Variants in ARHGAP29 observed in about 807,000 individuals in gnomAD.
The protein encoded by ARHGAP29 is Rho GTPase activating protein 29.
ARHGAP29 carries 43 observed loss-of-function variants against 122.6 expected under a neutral mutation model. The ratio of observed to expected loss-of-function variants is 0.35; its 90% CI spans 0.27 to 0.45. ARHGAP29 has a LOEUF of 0.45. Among genes scored for constraint, ARHGAP29 ranks in the 20% least tolerant of loss-of-function variants. The probability of loss-of-function intolerance (pLI) is 1.00; values close to 1 mark genes in which losing one functional copy is unlikely to be tolerated. For missense variants in ARHGAP29, 1,303 were observed against 1,477.2 expected, an observed-to-expected ratio of 0.88 and a Z score of 1.93; for synonymous variants, 506 against 497.1, an observed-to-expected ratio of 1.02 and a Z score of -0.24.
chr1:94,309,281 C>A, the ARHGAP29 span, among the ~76,000 whole-genome samples: 1 of 152,206 alleles, frequency 6.6e-6, no homozygotes, highest in African/African-American at 2.4e-5. Flanking sequence ...AGTTAAATAA[C>A]TTGATCAGGA....
rs569187972 is a variant in ARHGAP29, at chr1:94,172,703, AT to A, written c.*1165del. On this transcript the variant is annotated 3_prime_UTR_variant, in exon 23 of 23. Coordinates refer to ENST00000260526, the MANE Select transcript of ARHGAP29 (RefSeq NM_004815.4). ...ATTCACACATAAAAACAGTCTACTT[AT>A]TTTTTGTCCCTTTTATATCCTATTT... 6.6e-6 allele frequency: 1 copy of A among 152,198 alleles called. No individual in the cohort carries two copies. Among genetic ancestry groups the A allele is most frequent in the Non-Finnish European group, 1.5e-5 (1 of 67,894 alleles). 9.4% of individuals were successfully genotyped at this position (152,198 alleles called of 1,614,324 possible).
At position 94,169,778 on chromosome 1, in the gene ARHGAP29, G is replaced by A. The variant is rs1304431422; in HGVS notation, c.*4091C>T. On this transcript the variant is annotated 3_prime_UTR_variant, in exon 23 of 23. Transcript: ENST00000260526. Reference sequence around the variant, plus strand: ...GACTTGGGGTAGGGAGTAGGAAAAAGTGTAAGATGAGCTCGTAAAAAAAAT... The same window carrying A: ...GACTTGGGGTAGGGAGTAGGAAAAAATGTAAGATGAGCTCGTAAAAAAAAT... Among the ~76,000 whole-genome samples the A allele has an allele frequency of 6.6e-6, 1 of 152,204 alleles. No homozygotes were observed. Among genetic ancestry groups the A allele is most frequent in the African/African-American group, 2.4e-5 (1 of 41,534 alleles).
At chr1:94,234,436 G>C (rs927730080) in intron 1 of ARHGAP29, among the ~76,000 whole-genome samples, 1 of 152,156 alleles carries the variant, frequency 6.6e-6, no homozygotes, top group African/African-American at 2.4e-5. Flanking sequence ...GCTGAGGGAA[G>C]ATTACATAAA....
the ARHGAP29 span, among the ~76,000 whole-genome samples, chr1:94,307,018 C>T: frequency 6.6e-6 from 1 of 151,988 alleles, no homozygotes; most frequent in Non-Finnish European, 1.5e-5. Flanking sequence ...TTCATTTATT[C>T]GTATATATTA....
Position 94,207,001 on chromosome 1 carries a change from TTTTA to T in ARHGAP29, c.511-1322_511-1319del, listed in dbSNP as rs542199991. Among the ~76,000 whole-genome samples, 131 of 150,142 alleles carry T rather than the reference TTTTA, an allele frequency of 8.7e-4. 1 individual carries two copies. The highest frequency in any genetic ancestry group is 4.4e-3 in the South Asian group (21 of 4,748). ...TATAGAGAGAGAGAGAAGGAGCAAC[TTTTA>T]TTTATTTATTTATTTATTTTTGAGA... On this transcript the variant is annotated intron_variant, in intron 5 of 22. Transcript: ENST00000260526.
chr1:94,280,947 C>G, the ARHGAP29 span, among the ~76,000 whole-genome samples: 2 of 152,210 alleles, frequency 1.3e-5, no homozygotes, highest in Admixed American at 1.3e-4. Context: ...TTCCATTCTC[C>G]TGTGCCATCT....
At chr1:94,176,179 G>C (rs1044544674) in intron 22 of ARHGAP29, among the ~76,000 whole-genome samples, 1 of 152,198 alleles carries the variant, frequency 6.6e-6, no homozygotes, top group Non-Finnish European at 1.5e-5. Flanking sequence ...CCTGGGTCCT[G>C]GCTCAGCCCT....
At chr1:94,255,902 C>T (rs1384450388) in intron 1 of ARHGAP29, among the ~76,000 whole-genome samples, 1 of 152,188 alleles carries the variant, frequency 6.6e-6, no homozygotes, top group East Asian at 1.9e-4. Context: ...CTAATTCCAT[C>T]ACTGTGCTTG....
intron 19 of ARHGAP29, among the ~76,000 whole-genome samples, 166 bp from the exon 20 acceptor site, chr1:94,180,123 A>T (rs1004500807): frequency 1.2e-4 from 19 of 152,320 alleles, no homozygotes; most frequent in Admixed American, 6.5e-4. Flanking sequence ...TGGTCTATAA[A>T]GTAAACCTAG....
intron 7 of ARHGAP29, among the ~76,000 whole-genome samples, chr1:94,204,207 C>CCCAGGCTCAAGTGATCTT (rs1205416500): frequency 3.3e-5 from 5 of 151,586 alleles, no homozygotes; most frequent in Admixed American, 2.6e-4. Context: ...GTCTCGAACT[C>CCCAGGCTCAAGTGATCTT]CCAGGCTCAA....
chr1:94,275,014 A>C (rs1454051930), exon 1 of ARHGAP29: 1 of 152,234 alleles, frequency 6.6e-6, no homozygotes, highest in East Asian at 1.9e-4. Flanking sequence ...CTACTCACCC[A>C]AAGAGCAGCA....
chr1:94,255,530 T>C (rs369337417), intron 1 of ARHGAP29, among the ~76,000 whole-genome samples: 2 of 152,348 alleles, frequency 1.3e-5, no homozygotes, highest in South Asian at 4.1e-4. Context: ...CCCTTCCCTG[T>C]AGAAATGTTA....
intron 12 of ARHGAP29, among the ~76,000 whole-genome samples, chr1:94,196,496 C>T (rs924924589): frequency 9.9e-5 from 15 of 151,558 alleles, no homozygotes; most frequent in Admixed American, 1.3e-4. Flanking sequence ...CTCCTGACCT[C>T]GTGATCCGCC....
At chr1:94,190,134 A>G in intron 12 of ARHGAP29, 51 bp from the exon 13 acceptor site, 1 of 1,567,534 alleles carries the variant, frequency 6.4e-7, no homozygotes, top group Non-Finnish European at 8.7e-7. Flanking sequence ...ACAGAATGCT[A>G]TATAAACATA....
intron 3 of ARHGAP29, among the ~76,000 whole-genome samples, chr1:94,215,758 A>G (rs1651921212): frequency 6.6e-6 from 1 of 152,162 alleles, no homozygotes. Context: ...GAAAAATGTT[A>G]ATGCAAAAAT....
chr1:94,303,432 G>A, the ARHGAP29 span, among the ~76,000 whole-genome samples: 1 of 152,182 alleles, frequency 6.6e-6, no homozygotes, highest in Non-Finnish European at 1.5e-5. Flanking sequence ...GGCAGTTAGT[G>A]TTTAATGGGT....
At chr1:94,237,598 C>G (rs1410116323), upstream of ARHGAP29, 1 of 988,368 alleles carries the variant, frequency 1.0e-6, no homozygotes, top group Non-Finnish European at 1.2e-6. Flanking sequence ...GCCGCCACCG[C>G]CCCTGCAGCT....
At chr1:94,186,765 C>T (rs761773369) in intron 15 of ARHGAP29, among the ~76,000 whole-genome samples, 168 bp from the exon 16 acceptor site, 6 of 152,114 alleles carry the variant, frequency 3.9e-5, no homozygotes, top group Admixed American at 6.5e-5. Flanking sequence ...ATACTCATTC[C>T]TGGGAACAAA....
intron 19 of ARHGAP29, among the ~76,000 whole-genome samples, chr1:94,180,888 G>C (rs1175597601): frequency 6.6e-6 from 1 of 152,128 alleles, no homozygotes; most frequent in African/African-American, 2.4e-5. Context: ...TGCCTGGCTA[G>C]AAGAAATAAA....
Sources: allele counts gnomAD v4.1 joint callset (sites outside exome capture counted in the v4.1 genomes callset), GRCh38; gene constraint gnomAD v4.1.1; transcripts MANE v1.5; gene names NCBI Gene and HGNC (gene_info 2026-07-23, HGNC 2026-07-21).